Variants in USP13 observed in about 807,000 individuals in gnomAD.
USP13 encodes ubiquitin specific peptidase 13.
A neutral mutation model predicts 107.8 loss-of-function variants in USP13; 68 were observed. The observed-to-expected ratio is 0.63, with a 90% CI of 0.52 to 0.77. The LOEUF (loss-of-function observed/expected upper bound fraction) is 0.77, where lower values mean the gene tolerates loss of function less well. Among genes scored for constraint, USP13 ranks in the 30% least tolerant of loss-of-function variants. The probability of loss-of-function intolerance (pLI) is 0.00; values close to 1 mark genes in which losing one functional copy is unlikely to be tolerated. For missense variants in USP13, 945 were observed against 1,093.3 expected (o/e 0.86, Z 1.91); for synonymous variants, 377 against 389.5 (o/e 0.97, Z 0.38).
intron 14 of USP13, among the ~76,000 whole-genome samples, chr3:179,754,464 A>G (rs1714717415): frequency 6.6e-6 from 1 of 152,212 alleles, no homozygotes; most frequent in South Asian, 2.1e-4. Context: ...TGGGCCACAC[A>G]TGGTCTATGG....
At chr3:179,768,038 A>G (rs1715232970) in intron 19 of USP13, among the ~76,000 whole-genome samples, 1 of 152,210 alleles carries the variant, frequency 6.6e-6, no homozygotes, top group Non-Finnish European at 1.5e-5. Context: ...CTTTTCAGAA[A>G]TTACTAGCTT....
At chr3:179,744,972 C>T (rs1048787512) in intron 12 of USP13, 71 bp from the exon 13 acceptor site, 2 of 1,583,048 alleles carry the variant, frequency 1.3e-6, no homozygotes, top group East Asian at 2.2e-5. Flanking sequence ...GGAAGACTGT[C>T]CAAAGAGGGT....
rs1340318675 is a variant in USP13 at position 179,675,532 on chromosome 3, C to G, written c.169-6346C>G. On this transcript the variant is annotated intron_variant, in intron 1 of 20. Transcript: ENST00000263966. ...ATGCTATATGAGTTTTATCTGTAAC[C>G]TATTTTATTATTATTATTATTATTA... 3.1e-5 allele frequency among the ~76,000 whole-genome samples: 4 copies of G among 129,180 alleles called. No homozygotes were observed. In the East Asian group the frequency reaches 8.1e-4, roughly 26 times the overall value. 84.7% of individuals were successfully genotyped at this position (129,180 alleles called of 152,430 possible).
chr3:179,688,194 AATCCATCCATCCATCC>A (rs1214610213), intron 2 of USP13, among the ~76,000 whole-genome samples: 1 of 48,110 alleles, frequency 2.1e-5, no homozygotes, highest in East Asian at 1.1e-3. Context: ...TCCATTCATC[AATCCATCCATCCATCC>A]ATCCATCCAT....
chr3:179,755,239 G>C (rs1714748305), intron 15 of USP13, among the ~76,000 whole-genome samples: 1 of 152,174 alleles, frequency 6.6e-6, no homozygotes, highest in South Asian at 2.1e-4. Context: ...GAAAGGAAGA[G>C]ATTTGAGTTT....
chr3:179,666,640 C>T (rs937303149), intron 1 of USP13, among the ~76,000 whole-genome samples: 12 of 152,328 alleles, frequency 7.9e-5, no homozygotes, highest in Middle Eastern at 6.8e-3. Flanking sequence ...AACCTCTCTC[C>T]TGCCCCGCAG....
chr3:179,706,785 G>A, intron 4 of USP13, 149 bp from the exon 5 acceptor site: 5 of 912,300 alleles, frequency 5.5e-6, no homozygotes, highest in Middle Eastern at 3.3e-4. Context: ...CAGGGAAAGT[G>A]CAGGAAAACA....
chr3:179,774,431 T>C (rs1715442457), intron 19 of USP13, among the ~76,000 whole-genome samples: 2 of 152,308 alleles, frequency 1.3e-5, no homozygotes, highest in South Asian at 4.1e-4. Context: ...GTTTCTTTCT[T>C]CTGCTGGGTT....
chr3:179,699,450 G>C (rs578186229), intron 3 of USP13, among the ~76,000 whole-genome samples: 14 of 151,944 alleles, frequency 9.2e-5, no homozygotes, highest in Non-Finnish European at 2.1e-4. Flanking sequence ...GGTGATTCAC[G>C]CCTTTAATCC....
At chr3:179,766,302 G>C (rs1715174165) in intron 19 of USP13, among the ~76,000 whole-genome samples, 1 of 152,108 alleles carries the variant, frequency 6.6e-6, no homozygotes, top group Admixed American at 6.6e-5. Flanking sequence ...TAGAAATGGT[G>C]CAGTTTGCCA....
intron 4 of USP13, 117 bp downstream of exon 4, chr3:179,701,246 A>T: frequency 7.7e-7 from 1 of 1,293,648 alleles, no homozygotes; most frequent in Non-Finnish European, 1.0e-6. Flanking sequence ...GTTGAATGAG[A>T]GAAGAGGATG....
At chr3:179,673,417 C>G (rs1327927897) in intron 1 of USP13, among the ~76,000 whole-genome samples, 1 of 152,092 alleles carries the variant, frequency 6.6e-6, no homozygotes, top group Admixed American at 6.5e-5. Context: ...CTGCCCTGTA[C>G]CAGGTACTAT....
At chr3:179,664,480 T>C (rs1720533204) in intron 1 of USP13, among the ~76,000 whole-genome samples, 1 of 152,202 alleles carries the variant, frequency 6.6e-6, no homozygotes. Context: ...TCTCGAGTAC[T>C]TGCTGAATGT....
chr3:179,681,772 T>G, intron 1 of USP13, 106 bp from the exon 2 acceptor site: 14 of 1,446,022 alleles, frequency 9.7e-6, no homozygotes, highest in Non-Finnish European at 1.3e-5. Context: ...GGTGGCCCTT[T>G]GCCAGGCCTC....
intron 10 of USP13, among the ~76,000 whole-genome samples, chr3:179,735,529 C>T (rs999761168): frequency 1.3e-5 from 2 of 151,984 alleles, no homozygotes; most frequent in Non-Finnish European, 2.9e-5. Context: ...AATCATCCTG[C>T]AAATCTGGTT....
In USP13 at chr3:179,741,927, T is replaced by C. The variant is rs570126829; in HGVS notation, c.1381-270T>C. Among the ~76,000 whole-genome samples the C allele has an allele frequency of 3.9e-5, 6 of 152,330 alleles. No homozygotes were observed. In the South Asian group the frequency reaches 1.0e-3, roughly 26 times the overall value. ...ATTGGCTTCTCCTCCTCCTTTCTTC[T>C]CATTCCATGAATTTCTCTCCCATGG... is the stretch of plus-strand genomic sequence containing the variant. On this transcript the variant is annotated intron_variant, in intron 11 of 20. Transcript: ENST00000263966.
chr3:179,730,569 G>C (rs1713766717), intron 9 of USP13, 47 bp from the exon 10 acceptor site: 1 of 1,497,922 alleles, frequency 6.7e-7, no homozygotes, highest in Non-Finnish European at 9.2e-7. Context: ...TATTACTATG[G>C]AAAAACAACA....
At chr3:179,719,007 G>T (rs954945607) in intron 6 of USP13, among the ~76,000 whole-genome samples, 1 of 152,028 alleles carries the variant, frequency 6.6e-6, no homozygotes, top group Non-Finnish European at 1.5e-5. Context: ...CGCCTGCCTC[G>T]GCCTCCCAAA....
intron 1 of USP13, among the ~76,000 whole-genome samples, chr3:179,681,126 T>C (rs1301538910): frequency 1.3e-5 from 2 of 152,148 alleles, no homozygotes; most frequent in African/African-American, 4.8e-5. Context: ...AAACGATTGC[T>C]CGGCTGTCCA....
Sources: allele counts gnomAD v4.1 joint callset (sites outside exome capture counted in the v4.1 genomes callset), GRCh38; gene constraint gnomAD v4.1.1; transcripts MANE v1.5; gene names NCBI Gene and HGNC (gene_info 2026-07-23, HGNC 2026-07-21).